KCNN2: variants seen among roughly 807,000 people sequenced by gnomAD.
KCNN2 encodes the protein small conductance calcium-activated potassium channel protein 2.
In KCNN2, 24 loss-of-function variants were observed where a neutral mutation model predicts 55.5. The observed-to-expected ratio is 0.43, with a 90% CI of 0.31 to 0.61. The LOEUF is 0.61. KCNN2 is among the 20% of genes least tolerant of loss of function. KCNN2 has a pLI of 0.08. For missense variants in KCNN2, 754 were observed against 853.6 expected, an observed-to-expected ratio of 0.88 and a Z score of 1.45; for synonymous variants, 431 against 336.1, an observed-to-expected ratio of 1.28 and a Z score of -3.09.
chr5:114,334,213 C>T (rs906874289), intron 2 of KCNN2, among the ~76,000 whole-genome samples: 1 of 151,800 alleles, frequency 6.6e-6, no homozygotes, highest in African/African-American at 2.4e-5. Context: ...CTAGAGACCT[C>T]CCCAGAGAAC....
intron 2 of KCNN2, among the ~76,000 whole-genome samples, chr5:114,373,898 G>A (rs1304652044): frequency 6.6e-6 from 1 of 151,248 alleles, no homozygotes; most frequent in Non-Finnish European, 1.5e-5. Flanking sequence ...TCTAGGGTGT[G>A]TGTGCAAGCA....
At chr5:114,162,189 G>A (rs1561503499) in intron 1 of KCNN2, among the ~76,000 whole-genome samples, 1 of 152,114 alleles carries the variant, frequency 6.6e-6, no homozygotes, top group Non-Finnish European at 1.5e-5. Context: ...TGGTGTGGAT[G>A]TCCTTTCTGT....
At chr5:114,082,972 T>C (rs1046001145) in intron 1 of KCNN2, among the ~76,000 whole-genome samples, 4 of 152,124 alleles carry the variant, frequency 2.6e-5, no homozygotes, top group African/African-American at 7.2e-5. Context: ...AGAGAAGTTA[T>C]AGAGATGGAT....
chr5:114,234,113 C>A (rs1334520922), intron 2 of KCNN2, among the ~76,000 whole-genome samples: 1 of 151,518 alleles, frequency 6.6e-6, no homozygotes. Flanking sequence ...CCTTTTATTT[C>A]ATAGCAACCA....
intron 2 of KCNN2, among the ~76,000 whole-genome samples, chr5:114,369,373 T>G (rs1025445524): frequency 4.6e-5 from 7 of 152,200 alleles, no homozygotes; most frequent in Admixed American, 4.6e-4. Flanking sequence ...AAGCAAATGT[T>G]TCCCAAGTTT....
rs1757592471 is a variant in KCNN2 at position 114,366,112 on chromosome 5, T to C, written c.1218+2111T>C. ...TTACAGAAGTTTATAAAAAATCATA[T>C]TTTTATAGATTAATGCTTGAAAGCA... On this transcript the variant is annotated intron_variant, in intron 2 of 7. Coordinates refer to ENST00000673685, the MANE Select transcript of KCNN2 (RefSeq NM_021614.4). 2.0e-5 allele frequency among the ~76,000 whole-genome samples: 3 copies of C among 152,218 alleles called. No individual in the cohort carries two copies. In the South Asian group the frequency reaches 6.2e-4, roughly 31 times the overall value.
chr5:114,214,434 G>T (rs1444095771), intron 1 of KCNN2, among the ~76,000 whole-genome samples: 2 of 152,014 alleles, frequency 1.3e-5, no homozygotes, highest in Non-Finnish European at 2.9e-5. Flanking sequence ...GCTAAATTCT[G>T]CTCCAGCCAG....
intron 3 of KCNN2, among the ~76,000 whole-genome samples, chr5:114,412,073 T>A (rs1234668565): frequency 6.6e-6 from 1 of 152,188 alleles, no homozygotes; most frequent in African/African-American, 2.4e-5. Flanking sequence ...AGAGAATATC[T>A]CATTTTGTAA....
intron 1 of KCNN2, among the ~76,000 whole-genome samples, chr5:114,072,232 C>T (rs1024264201): frequency 3.3e-5 from 5 of 151,736 alleles, no homozygotes; most frequent in East Asian, 3.9e-4. Context: ...GCAGAGGTTG[C>T]GGTGAGCCAA....
At chr5:114,441,729 G>T (rs1760221969) in intron 3 of KCNN2, among the ~76,000 whole-genome samples, 1 of 152,080 alleles carries the variant, frequency 6.6e-6, no homozygotes, top group East Asian at 1.9e-4. Context: ...GGCTATTACA[G>T]ATATGCTGCC....
In KCNN2 at chr5:114,315,463, G is replaced by A. The variant is rs930963257; in HGVS notation, c.-184-45482G>A. ...TGTGTGTGTGTGTGTGTGTGTGTGT[G>A]TGTATATATATATAAAACTTCTGTT... On this transcript the variant is annotated intron_variant, in intron 2 of 10. Coordinates refer to the KCNN2 transcript ENST00000512097. Among the ~76,000 whole-genome samples the A allele has an allele frequency of 3.1e-3, 148 of 47,988 alleles. 1 individual carries two copies. Among genetic ancestry groups the A allele is most frequent in the Middle Eastern group, 0.01 (1 of 100 alleles). The allele number at this position is 47,988 out of a possible 152,430, so 31.5% of individuals were successfully genotyped here. A position where few individuals can be genotyped will look rare whatever the true frequency, so the allele number is the denominator to read the frequency against.
In KCNN2 at chr5:114,296,634, G is replaced by A. The variant is rs143940886; in HGVS notation, c.-184-64311G>A. ...AACACGTTCCTAAGGGAGGCCATAAGCACTAAAGGAGGGAGGCAGGAGCAT... is the reference window on the plus strand; with the variant it reads ...AACACGTTCCTAAGGGAGGCCATAAACACTAAAGGAGGGAGGCAGGAGCAT... On this transcript the variant is annotated intron_variant, in intron 2 of 10. Coordinates refer to the KCNN2 transcript ENST00000512097. Among the ~76,000 whole-genome samples, 560 of 152,260 alleles carry A rather than the reference G, an allele frequency of 3.7e-3. 5 individuals carry two copies. The highest frequency in any genetic ancestry group is 0.013 in the African/African-American group (543 of 41,550).
At chr5:114,153,948 CCCTCT>C (rs1752577248) in intron 1 of KCNN2, among the ~76,000 whole-genome samples, 1 of 152,120 alleles carries the variant, frequency 6.6e-6, no homozygotes, top group African/African-American at 2.4e-5. Flanking sequence ...TTCTAGACAA[CCCTCT>C]CCTAAGTTGC....
At chr5:114,093,666 T>C (rs1751195237) in intron 1 of KCNN2, among the ~76,000 whole-genome samples, 1 of 152,192 alleles carries the variant, frequency 6.6e-6, no homozygotes, top group Non-Finnish European at 1.5e-5. Context: ...AGGCACCTTC[T>C]TCATAAGGTG....
At chr5:114,467,733 G>A (rs893077050) in intron 4 of KCNN2, among the ~76,000 whole-genome samples, 3 of 151,880 alleles carry the variant, frequency 2.0e-5, no homozygotes, top group South Asian at 2.1e-4. Context: ...GCCGTCTTCC[G>A]GGTACAGGAA....
At chr5:114,143,168 A>T (rs1752323578) in intron 1 of KCNN2, among the ~76,000 whole-genome samples, 1 of 152,190 alleles carries the variant, frequency 6.6e-6, no homozygotes, top group Non-Finnish European at 1.5e-5. Context: ...TTAGTAAGAA[A>T]TTTAGGGTCA....
intron 4 of KCNN2, among the ~76,000 whole-genome samples, chr5:114,469,538 A>C (rs1761618774): frequency 6.6e-6 from 1 of 152,172 alleles, no homozygotes. Context: ...TGTTAAATGC[A>C]TACAGGGATC....
chr5:114,245,152 G>T (rs1239496110), intron 2 of KCNN2, among the ~76,000 whole-genome samples: 1 of 152,154 alleles, frequency 6.6e-6, no homozygotes, highest in Non-Finnish European at 1.5e-5. Flanking sequence ...GAAGATTAAG[G>T]TGTCAAAGTT....
chr5:114,187,445 C>T (rs1321161098), intron 1 of KCNN2, among the ~76,000 whole-genome samples: 2 of 150,972 alleles, frequency 1.3e-5, no homozygotes, highest in African/African-American at 4.9e-5. Context: ...CCTGGCCTAA[C>T]CTTTTGGAAT....
Sources: allele counts gnomAD v4.1 joint callset (sites outside exome capture counted in the v4.1 genomes callset), GRCh38; gene constraint gnomAD v4.1.1; transcripts MANE v1.5; gene names NCBI Gene and HGNC (gene_info 2026-07-23, HGNC 2026-07-21).